Variants in PTPRT observed in about 807,000 individuals in gnomAD.
The protein encoded by PTPRT is receptor-type tyrosine-protein phosphatase T.
Under a neutral mutation model 176.8 loss-of-function variants are expected in PTPRT, and 56 were observed. That is an observed-to-expected ratio of 0.32 (90% CI 0.26 to 0.40). PTPRT has a LOEUF of 0.40. PTPRT is among the 10% of genes least tolerant of loss of function. The pLI, the probability that PTPRT is intolerant of heterozygous loss-of-function variation, is 1.00. For missense variants in PTPRT, 1,540 were observed against 1,908.2 expected, an observed-to-expected ratio of 0.81 and a Z score of 3.60; for synonymous variants, 783 against 739.0, an observed-to-expected ratio of 1.06 and a Z score of -0.96.
At chr20:42,905,187 C>A (rs1264594690) in intron 1 of PTPRT, among the ~76,000 whole-genome samples, 1 of 152,150 alleles carries the variant, frequency 6.6e-6, no homozygotes, top group Non-Finnish European at 1.5e-5. Context: ...GGCTAATATC[C>A]AGAATCTAAA....
chr20:42,754,696 T>A (rs2076806207), intron 6 of PTPRT, among the ~76,000 whole-genome samples: 1 of 152,242 alleles, frequency 6.6e-6, no homozygotes, highest in Admixed American at 6.5e-5. Context: ...TAAAGATTTT[T>A]AAAGTTTTTT....
chr20:42,278,600 G>A (rs1302710289), intron 13 of PTPRT, among the ~76,000 whole-genome samples: 1 of 152,072 alleles, frequency 6.6e-6, no homozygotes, highest in Admixed American at 6.5e-5. Context: ...GAACTTGGAT[G>A]GAACTGGGCA....
intron 7 of PTPRT, among the ~76,000 whole-genome samples, chr20:42,600,275 G>A (rs772971019): frequency 6.6e-6 from 1 of 152,038 alleles, no homozygotes; most frequent in Non-Finnish European, 1.5e-5. Flanking sequence ...GAATAGCTGG[G>A]ACTACAGGTG....
chr20:42,759,511 A>G (rs148034178), intron 5 of PTPRT, among the ~76,000 whole-genome samples: 13 of 152,332 alleles, frequency 8.5e-5, no homozygotes, highest in Non-Finnish European at 1.6e-4. Context: ...GTAGCATAAA[A>G]ATGCACAGAG....
chr20:42,768,034 T>C (rs1028004715), intron 5 of PTPRT, among the ~76,000 whole-genome samples: 4 of 148,094 alleles, frequency 2.7e-5, no homozygotes, highest in African/African-American at 1.0e-4. Flanking sequence ...ACTGCTTCTC[T>C]GGAGAACCCT....
At chr20:42,082,732 A>G (rs1182878980) in intron 29 of PTPRT, among the ~76,000 whole-genome samples, 1 of 152,190 alleles carries the variant, frequency 6.6e-6, no homozygotes, top group Non-Finnish European at 1.5e-5. Flanking sequence ...AACTCCATAA[A>G]TCATCTTCAT....
chr20:42,094,970 A>T (rs1985046409), intron 27 of PTPRT, among the ~76,000 whole-genome samples: 4 of 152,284 alleles, frequency 2.6e-5, no homozygotes, highest in Admixed American at 2.0e-4. Flanking sequence ...ACCTCAAGTG[A>T]TCCTGCTTCC....
chr20:42,818,337 T>TCAA (rs560392138), intron 2 of PTPRT, among the ~76,000 whole-genome samples: 1,808 of 150,632 alleles, frequency 0.012, 16 homozygotes, highest in Admixed American at 0.023. Flanking sequence ...AACAACAGCA[T>TCAA]CAACAACAAC....
At chr20:43,075,253 T>C (rs189039534) in intron 1 of PTPRT, among the ~76,000 whole-genome samples, 19 of 152,332 alleles carry the variant, frequency 1.2e-4, no homozygotes, top group African/African-American at 4.6e-4. Flanking sequence ...CACACTGAGT[T>C]TAGAAGGTAG....
intron 1 of PTPRT, among the ~76,000 whole-genome samples, chr20:43,146,046 G>A (rs2014156721): frequency 6.6e-6 from 1 of 152,194 alleles, no homozygotes; most frequent in Non-Finnish European, 1.5e-5. Context: ...AGTTTTTGAT[G>A]AGAAATGAAG....
chr20:42,902,601 G>A (rs988937796), intron 1 of PTPRT, among the ~76,000 whole-genome samples: 1 of 152,214 alleles, frequency 6.6e-6, no homozygotes, highest in Non-Finnish European at 1.5e-5. Flanking sequence ...GGAACCATTA[G>A]ATGCCAGGTA....
downstream of PTPRT, among the ~76,000 whole-genome samples, chr20:42,068,869 G>T (rs1366727068): frequency 1.3e-5 from 2 of 152,306 alleles, no homozygotes; most frequent in East Asian, 3.9e-4. Context: ...CGGAGCAGGG[G>T]TTTACTTCTT....
At chr20:42,604,849 G>A (rs557090152) in intron 7 of PTPRT, among the ~76,000 whole-genome samples, 1 of 152,296 alleles carries the variant, frequency 6.6e-6, no homozygotes, top group South Asian at 2.1e-4. Context: ...AAACATGATA[G>A]GGGCCTGCCC....
At chr20:42,792,387 G>A (rs1209351603) in intron 2 of PTPRT, among the ~76,000 whole-genome samples, 1 of 152,214 alleles carries the variant, frequency 6.6e-6, no homozygotes, top group Non-Finnish European at 1.5e-5. Flanking sequence ...AAGAAACCAT[G>A]AGGGGGTAAA....
intron 7 of PTPRT, among the ~76,000 whole-genome samples, chr20:42,514,090 G>A (rs2072014595): frequency 6.6e-6 from 1 of 152,142 alleles, no homozygotes; most frequent in Non-Finnish European, 1.5e-5. Context: ...AAATTTGCTA[G>A]GAATGTTCTT....
intron 1 of PTPRT, among the ~76,000 whole-genome samples, chr20:42,908,007 A>C (rs941810961): frequency 1.3e-5 from 2 of 152,134 alleles, no homozygotes; most frequent in Admixed American, 6.5e-5. Context: ...CTTCGGGAAG[A>C]GGTAACAGTC....
At chr20:42,974,472 C>T (rs1040672458) in intron 1 of PTPRT, among the ~76,000 whole-genome samples, 12 of 152,134 alleles carry the variant, frequency 7.9e-5, no homozygotes, top group East Asian at 3.9e-4. Context: ...AGTGCACGCG[C>T]GCACACACAC....
chr20:42,908,539 A>G (rs913245952), intron 1 of PTPRT, among the ~76,000 whole-genome samples: 1 of 152,156 alleles, frequency 6.6e-6, no homozygotes. Flanking sequence ...CTTTATGACA[A>G]TAATTTTGCA....
chr20:42,150,463 G>T (rs998903383), intron 17 of PTPRT, among the ~76,000 whole-genome samples: 5 of 152,170 alleles, frequency 3.3e-5, no homozygotes, highest in Admixed American at 2.0e-4. Flanking sequence ...GTTCAGTCCA[G>T]CCTGCCAGGA....
Sources: allele counts gnomAD v4.1 joint callset (sites outside exome capture counted in the v4.1 genomes callset), GRCh38; gene constraint gnomAD v4.1.1; transcripts MANE v1.5; gene names NCBI Gene and HGNC (gene_info 2026-07-23, HGNC 2026-07-21).